ESRRG: variants seen among roughly 807,000 people sequenced by gnomAD.
The protein encoded by ESRRG is estrogen-related receptor gamma.
In ESRRG, 13 loss-of-function variants were observed where a neutral mutation model predicts 44.0. That is an observed-to-expected ratio of 0.30 (90% CI 0.19 to 0.47). ESRRG has a LOEUF of 0.47. Ranked by LOEUF, ESRRG falls within the 20% of genes least tolerant of loss-of-function variation. The pLI is 1.00. For synonymous variants in ESRRG, 215 were observed against 214.6 expected, an observed-to-expected ratio of 1.00 and a Z score of -0.02; for missense variants, 395 against 580.6, an observed-to-expected ratio of 0.68 and a Z score of 3.29.
In ESRRG at chr1:216,773,706, G is replaced by T. The variant is rs565437294; in HGVS notation, c.-13-96215C>A. On this transcript the variant is annotated intron_variant, in intron 2 of 7. Coordinates refer to the ESRRG transcript ENST00000359162. ...TATATAAGGGAAAATAGTCAGACTT[G>T]GATCTTTTGAGAAAGCAGCTGCAGA... is the stretch of plus-strand genomic sequence containing the variant. 2.0e-5 allele frequency among the ~76,000 whole-genome samples: 3 copies of T among 152,168 alleles called. No homozygotes were observed. In the East Asian group the frequency reaches 5.8e-4, roughly 29 times the overall value.
chr1:216,823,295 G>A (rs2095333677), intron 2 of ESRRG, among the ~76,000 whole-genome samples: 2 of 152,092 alleles, frequency 1.3e-5, no homozygotes, highest in African/African-American at 4.8e-5. Flanking sequence ...TATTTACAAT[G>A]ATGAAATCAA....
chr1:217,041,278 T>A (rs1191097718), intron 1 of ESRRG, among the ~76,000 whole-genome samples: 1 of 152,204 alleles, frequency 6.6e-6, no homozygotes, highest in Non-Finnish European at 1.5e-5. Context: ...CTGCAAGCTG[T>A]GCCAAAAGCC....
At chr1:216,646,043 C>T (rs2067506462) in intron 3 of ESRRG, among the ~76,000 whole-genome samples, 1 of 151,990 alleles carries the variant, frequency 6.6e-6, no homozygotes, top group Non-Finnish European at 1.5e-5. Context: ...CTTCCTTTTC[C>T]TTTCAAGACA....
chr1:216,822,204 T>G (rs977593805), intron 2 of ESRRG, among the ~76,000 whole-genome samples: 1 of 152,166 alleles, frequency 6.6e-6, no homozygotes, highest in Non-Finnish European at 1.5e-5. Flanking sequence ...CCAGCCTACA[T>G]GTAAATATGC....
At chr1:216,913,257 A>T (rs73097586) in intron 2 of ESRRG, among the ~76,000 whole-genome samples, 2,311 of 152,116 alleles carry the variant, frequency 0.015, 57 homozygotes, top group African/African-American at 0.052. Flanking sequence ...AACTACTTAC[A>T]TAGTTTTACA....
chr1:216,955,912 T>G (rs2067863432), intron 1 of ESRRG, among the ~76,000 whole-genome samples: 1 of 152,146 alleles, frequency 6.6e-6, no homozygotes, highest in East Asian at 1.9e-4. Flanking sequence ...TGCTTTGTTT[T>G]TGCTGTTGTG....
At chr1:216,592,231 G>A (rs2057780592) in intron 3 of ESRRG, among the ~76,000 whole-genome samples, 1 of 152,162 alleles carries the variant, frequency 6.6e-6, no homozygotes, top group Admixed American at 6.5e-5. Flanking sequence ...CTCATATTTT[G>A]TGTCAATGAA....
intron 2 of ESRRG, among the ~76,000 whole-genome samples, chr1:216,749,111 G>A (rs1370199498): frequency 6.6e-6 from 1 of 151,412 alleles, no homozygotes; most frequent in Non-Finnish European, 1.5e-5. Flanking sequence ...GCAGCAGCCT[G>A]TTTGCTGGGA....
chr1:216,574,482 G>C (rs1004864572), intron 3 of ESRRG, among the ~76,000 whole-genome samples: 1 of 152,112 alleles, frequency 6.6e-6, no homozygotes, highest in Admixed American at 6.6e-5. Flanking sequence ...GTAGTCCAAA[G>C]TCAAAAGTAT....
At chr1:216,759,968 C>T (rs1202824961) in intron 2 of ESRRG, among the ~76,000 whole-genome samples, 3 of 152,148 alleles carry the variant, frequency 2.0e-5, no homozygotes, top group East Asian at 1.9e-4. Context: ...TCTTAGAACA[C>T]ATGTCACTTC....
chr1:216,537,737 T>C (rs967018580), intron 5 of ESRRG, among the ~76,000 whole-genome samples: 2 of 152,100 alleles, frequency 1.3e-5, no homozygotes, highest in Non-Finnish European at 2.9e-5. Context: ...GCATTCTCAC[T>C]AAAACCTTAT....
At chr1:216,516,636 TACACACACACACACACACAC>T (rs779496209) in intron 6 of ESRRG, among the ~76,000 whole-genome samples, 1 of 130,376 alleles carries the variant, frequency 7.7e-6, no homozygotes, top group Non-Finnish European at 1.6e-5. Flanking sequence ...CACACACACA[TACACACACACACACACACAC>T]ACACACACAC....
chr1:216,662,312 T>TC (rs1344775015), intron 2 of ESRRG, among the ~76,000 whole-genome samples: 1 of 152,014 alleles, frequency 6.6e-6, no homozygotes, highest in Non-Finnish European at 1.5e-5. Flanking sequence ...AAAAGGCACT[T>TC]CGTGAGAAGC....
intron 1 of ESRRG, among the ~76,000 whole-genome samples, chr1:217,113,537 T>A (rs1191067882): frequency 1.3e-5 from 2 of 152,204 alleles, no homozygotes; most frequent in Admixed American, 6.5e-5. Flanking sequence ...ATGATTTAGA[T>A]GACAAAATCC....
chr1:217,118,906 A>ATCAGTT (rs2092776484), intron 1 of ESRRG, among the ~76,000 whole-genome samples: 1 of 152,060 alleles, frequency 6.6e-6, no homozygotes, highest in Non-Finnish European at 1.5e-5. Flanking sequence ...AGGCTAGAGG[A>ATCAGTT]TCACTTGAGC....
intron 2 of ESRRG, among the ~76,000 whole-genome samples, chr1:216,899,227 A>G (rs1014837714): frequency 1.3e-5 from 2 of 152,222 alleles, no homozygotes; most frequent in Non-Finnish European, 2.9e-5. Context: ...CTGTATCACT[A>G]CTTGACCACT....
chr1:216,779,642 T>C (rs2093848599), intron 2 of ESRRG, among the ~76,000 whole-genome samples: 1 of 140,216 alleles, frequency 7.1e-6, no homozygotes. Flanking sequence ...TAAAAAGTAC[T>C]GGTTACAGTC....
intron 3 of ESRRG, among the ~76,000 whole-genome samples, chr1:216,593,896 A>C (rs1031322567): frequency 5.3e-5 from 8 of 152,040 alleles, no homozygotes; most frequent in African/African-American, 1.9e-4. Context: ...ATGCCCAGCT[A>C]AATTTTTTTT....
intron 2 of ESRRG, among the ~76,000 whole-genome samples, chr1:216,769,770 G>A (rs2093301127): frequency 6.6e-6 from 1 of 152,072 alleles, no homozygotes; most frequent in African/African-American, 2.4e-5. Context: ...ACTGATAATA[G>A]AGGTTTATAA....
Sources: allele counts gnomAD v4.1 joint callset (sites outside exome capture counted in the v4.1 genomes callset), GRCh38; gene constraint gnomAD v4.1.1; transcripts MANE v1.5; gene names NCBI Gene and HGNC (gene_info 2026-07-23, HGNC 2026-07-21).